Variants in FAM169A observed in about 807,000 individuals in gnomAD.
The protein encoded by FAM169A is family with sequence similarity 169 member A.
FAM169A carries 24 observed loss-of-function variants against 75.7 expected under a neutral mutation model. The observed-to-expected ratio is 0.32, with a 90% CI of 0.23 to 0.45. The LOEUF is 0.45. Among genes scored for constraint, FAM169A ranks in the 20% least tolerant of loss-of-function variants. FAM169A has a pLI of 1.00. For missense variants in FAM169A, 673 were observed against 784.0 expected (o/e 0.86, Z 1.69); for synonymous variants, 271 against 271.0 (o/e 1.00, Z 0.00).
chr5:74,782,071 G>GACT, intron 12 of FAM169A, 63 bp from the exon 13 acceptor site: 1 of 1,281,256 alleles, frequency 7.8e-7, no homozygotes, highest in Non-Finnish European at 1.1e-6. Context: ...TAAATTCTCA[G>GACT]GCTCTAATAT....
At chr5:74,864,375 C>A (rs1013473916) in intron 1 of FAM169A, among the ~76,000 whole-genome samples, 1 of 152,172 alleles carries the variant, frequency 6.6e-6, no homozygotes, top group African/African-American at 2.4e-5. Context: ...GGATTACAGG[C>A]ATGTGCCACC....
At chr5:74,851,285 T>C (rs1385923891) in intron 1 of FAM169A, among the ~76,000 whole-genome samples, 3 of 152,190 alleles carry the variant, frequency 2.0e-5, no homozygotes, top group Non-Finnish European at 2.9e-5. Flanking sequence ...ATACGGCCTA[T>C]CTTGTGATAG....
At position 74,777,860 on chromosome 5, in the gene FAM169A, TAAGTTCTATAAATATATAC is replaced by T. The variant is rs1442576477; in HGVS notation, c.*3581_*3599del. ...ACTCTGAATAATGTAACATTTTTTC[TAAGTTCTATAAATATATAC>T]TGGAAGTTTTAGAACACATACAGAC... On this transcript the variant is annotated 3_prime_UTR_variant, in exon 13 of 13. Transcript: ENST00000687041. 1 of 152,104 alleles carries T rather than the reference TAAGTTCTATAAATATATAC, an allele frequency of 6.6e-6. No individual in the cohort carries two copies. The highest frequency in any genetic ancestry group is 1.5e-5 in the Non-Finnish European group (1 of 67,942). The allele number at this position is 152,104 out of a possible 1,614,324, so 9.4% of individuals were successfully genotyped here. A position where few individuals can be genotyped will look rare whatever the true frequency, so the allele number is the denominator to read the frequency against.
rs1157315500 is a variant in FAM169A at position 74,777,851 on chromosome 5, C to T, written c.*3609G>A. 1 of 151,850 alleles carries T rather than the reference C, an allele frequency of 6.6e-6. No homozygotes were observed. Among genetic ancestry groups the T allele is most frequent in the Non-Finnish European group, 1.5e-5 (1 of 67,884 alleles). The allele number at this position is 151,850 out of a possible 1,614,324, so 9.4% of individuals were successfully genotyped here. On this transcript the variant is annotated 3_prime_UTR_variant, in exon 13 of 13. Transcript: ENST00000687041. ...AGACTTGCTACTCTGAATAATGTAA[C>T]ATTTTTTCTAAGTTCTATAAATATA...
At chr5:74,799,984 CTATT>C in intron 10 of FAM169A, 1 of 798,544 alleles carries the variant, frequency 1.3e-6, no homozygotes, top group Non-Finnish European at 2.3e-6. Flanking sequence ...ACTCAAGTCT[CTATT>C]TATGAGGTGG....
At chr5:74,838,654 A>G (rs559752100) in intron 4 of FAM169A, among the ~76,000 whole-genome samples, 1 of 152,362 alleles carries the variant, frequency 6.6e-6, no homozygotes, top group East Asian at 1.9e-4. Flanking sequence ...GAAGCTAAAC[A>G]ATCACACAAA....
At chr5:74,784,607 T>TAAAAAAA (rs70976133) in intron 11 of FAM169A, among the ~76,000 whole-genome samples, 1 of 60,564 alleles carries the variant, frequency 1.7e-5, no homozygotes, top group Non-Finnish European at 3.0e-5. Flanking sequence ...CAACCCAGGC[T>TAAAAAAA]AAAAAAAAAA....
chr5:74,830,304 C>G (rs1009929353), intron 5 of FAM169A, among the ~76,000 whole-genome samples: 4 of 152,076 alleles, frequency 2.6e-5, no homozygotes, highest in African/African-American at 9.7e-5. Context: ...TCTTCAATGT[C>G]GAACATGATG....
chr5:74,866,395 C>A, upstream of FAM169A: 1 of 983,336 alleles, frequency 1.0e-6, no homozygotes, highest in African/African-American at 1.7e-5. Flanking sequence ...ACTAGCGCCG[C>A]AGCGCCTCCA....
intron 5 of FAM169A, among the ~76,000 whole-genome samples, chr5:74,830,286 A>G (rs1748247711): frequency 1.3e-5 from 2 of 152,180 alleles, no homozygotes; most frequent in South Asian, 4.1e-4. Flanking sequence ...AAAGAAGTAA[A>G]CTATAACTCT....
At chr5:74,838,923 A>C in intron 4 of FAM169A, 42 bp downstream of exon 4, 1 of 1,341,020 alleles carries the variant, frequency 7.5e-7, no homozygotes, top group Non-Finnish European at 1.1e-6. Context: ...ACACTGTGAA[A>C]TGGCCTCAAA....
chr5:74,803,130 G>C (rs1335138841), intron 8 of FAM169A, among the ~76,000 whole-genome samples: 1 of 152,086 alleles, frequency 6.6e-6, no homozygotes, highest in Non-Finnish European at 1.5e-5. Context: ...AATTTATGCT[G>C]TCAACTGTAT....
intron 11 of FAM169A, among the ~76,000 whole-genome samples, chr5:74,792,568 A>C (rs1237043281): frequency 6.6e-6 from 1 of 152,146 alleles, no homozygotes. Context: ...CAGATGGCCT[A>C]CTGTGGGACT....
chr5:74,850,520 A>G, intron 1 of FAM169A, among the ~76,000 whole-genome samples: 1 of 152,196 alleles, frequency 6.6e-6, no homozygotes, highest in Non-Finnish European at 1.5e-5. Flanking sequence ...AAGGATTTTG[A>G]GAGTGTGTGA....
At chr5:74,810,176 A>G (rs1379617517) in intron 6 of FAM169A, among the ~76,000 whole-genome samples, 1 of 152,208 alleles carries the variant, frequency 6.6e-6, no homozygotes, top group Non-Finnish European at 1.5e-5. Flanking sequence ...GACATGCAAC[A>G]TCAATGAGCC....
rs369687897 is a variant in FAM169A, at chr5:74,783,122, C to T, written c.1273G>A (p.Glu425Lys). 1 of 1,611,540 alleles carries T rather than the reference C, an allele frequency of 6.2e-7. No individual in the cohort carries two copies. The highest frequency in any genetic ancestry group is 8.5e-7 in the Non-Finnish European group (1 of 1,178,406). ...TCCATTATCTCACCATTCATAGGCT[C>T]TAATTCAGATTCCTACACCATGAGG... The part of the protein sequence containing the change: ...KQDGEKESEL[E>K]PMNGEIMDDS... Residue 425 changes from glutamate to lysine, a missense_variant, in exon 12 of 13, where the codon GAG (glutamate) becomes AAG (lysine). This residue lies in a region of FAM169A where 510 missense variants were observed against 550.9 expected (regional missense o/e 0.93). Coordinates refer to ENST00000687041, the MANE Select transcript of FAM169A (RefSeq NM_001376049.1).
At chr5:74,854,447 C>G (rs1749605274) in intron 1 of FAM169A, among the ~76,000 whole-genome samples, 1 of 152,062 alleles carries the variant, frequency 6.6e-6, no homozygotes, top group African/African-American at 2.4e-5. Flanking sequence ...AGGCATTTAT[C>G]CTTTGTGTTA....
Position 74,831,360 on chromosome 5 carries a change from T to G in FAM169A, c.490+3066A>C, listed in dbSNP as rs527953957. Among the ~76,000 whole-genome samples, 5 of 152,326 alleles carry G rather than the reference T, an allele frequency of 3.3e-5. No individual in the cohort carries two copies. In the South Asian group the frequency reaches 1.0e-3, roughly 32 times the overall value. On this transcript the variant is annotated intron_variant, in intron 5 of 12. Transcript: ENST00000687041. ...CGAAGTTTCTAAAGAATAGATTGAC[T>G]TGTCTGAAAAAGCTGTCCCAATTAT...
At chr5:74,800,760 TAATA>T (rs760389519) in intron 10 of FAM169A, 116 bp downstream of exon 10, 4 of 335,444 alleles carry the variant, frequency 1.2e-5, no homozygotes, top group Non-Finnish European at 1.9e-5. Flanking sequence ...ACCAAAAGTA[TAATA>T]AACAATATAA....
Sources: gnomAD v4.1 joint callset for allele counts (sites outside exome capture counted in the v4.1 genomes callset) on GRCh38, gnomAD v4.1.1 for gene constraint, gnomAD v4.1.1 regional missense constraint, MANE v1.5 for transcripts, NCBI Gene and HGNC (gene_info 2026-07-23, HGNC 2026-07-21) for gene names.